Variants in TGFBR2 observed in about 807,000 individuals in gnomAD.
TGFBR2 encodes the protein TGF-beta receptor type-2.
Under a neutral mutation model 49.0 loss-of-function variants are expected in TGFBR2, and 18 were observed. The ratio of observed to expected loss-of-function variants is 0.37; its 90% confidence interval spans 0.25 to 0.54. The LOEUF is 0.54. TGFBR2 is among the 20% of genes least tolerant of loss of function. TGFBR2 has a pLI of 0.85. For synonymous variants in TGFBR2, 282 were observed against 275.9 expected, an observed-to-expected ratio of 1.02 and a Z score of -0.22; for missense variants, 525 against 722.6, an observed-to-expected ratio of 0.73 and a Z score of 3.13.
chr3:30,667,942 G>A (rs1559465434), intron 3 of TGFBR2, among the ~76,000 whole-genome samples: 1 of 152,154 alleles, frequency 6.6e-6, no homozygotes, highest in Non-Finnish European at 1.5e-5. Flanking sequence ...GGTCAGCAAA[G>A]TTTTTCTGTG....
intron 1 of TGFBR2, among the ~76,000 whole-genome samples, chr3:30,619,923 T>C (rs532207651): frequency 1.1e-4 from 17 of 150,880 alleles, no homozygotes; most frequent in East Asian, 7.9e-4. Flanking sequence ...CGTGGTGGCT[T>C]ATGCCTGTAA....
chr3:30,624,826 T>G (rs1162424558), intron 1 of TGFBR2, among the ~76,000 whole-genome samples: 2 of 152,198 alleles, frequency 1.3e-5, no homozygotes, highest in African/African-American at 4.8e-5. Context: ...GTGGACTTCT[T>G]TCTGTTTTCC....
chr3:30,622,804 C>T (rs1232784175), intron 1 of TGFBR2, among the ~76,000 whole-genome samples: 1 of 144,986 alleles, frequency 6.9e-6, no homozygotes, highest in Admixed American at 7.2e-5. Flanking sequence ...CACTTGAACC[C>T]AGGAGACAGT....
intron 1 of TGFBR2, among the ~76,000 whole-genome samples, chr3:30,616,923 G>T (rs1215741382): frequency 2.0e-5 from 3 of 152,118 alleles, no homozygotes; most frequent in Non-Finnish European, 1.5e-5. Flanking sequence ...GGTTTTGGTG[G>T]TAATATTATT....
intron 2 of TGFBR2, among the ~76,000 whole-genome samples, chr3:30,646,879 A>G (rs755683849): frequency 6.6e-6 from 1 of 152,242 alleles, no homozygotes; most frequent in Non-Finnish European, 1.5e-5. Context: ...AAGTCTCTCT[A>G]GAATAGAGGC....
At chr3:30,650,173 A>G (rs143525955) in intron 2 of TGFBR2, 97 bp from the exon 3 acceptor site, 5 of 1,247,276 alleles carry the variant, frequency 4.0e-6, no homozygotes, top group Non-Finnish European at 5.9e-6. Context: ...AAGGAAAAGT[A>G]TTCCAGATTG....
chr3:30,686,835 A>G (rs141610265), intron 5 of TGFBR2, among the ~76,000 whole-genome samples: 33 of 152,272 alleles, frequency 2.2e-4, no homozygotes, highest in African/African-American at 6.5e-4. Flanking sequence ...TAATCTGCTC[A>G]TTTAAATTGG....
At chr3:30,645,491 C>CTTTTTTTTTTTT (rs771983813) in intron 2 of TGFBR2, among the ~76,000 whole-genome samples, 4 of 136,316 alleles carry the variant, frequency 2.9e-5, no homozygotes, top group African/African-American at 8.2e-5. Flanking sequence ...CTACATATTT[C>CTTTTTTTTTTTT]TTTTTTTTTT....
rs1333912666 is a variant in TGFBR2, at chr3:30,692,930, A to T, written c.*1331A>T. The T allele has an allele frequency of 4.3e-6, 1 of 233,220 alleles. No homozygotes were observed. Among genetic ancestry groups the T allele is most frequent in the East Asian group, 6.0e-5 (1 of 16,662 alleles). 14.4% of individuals were successfully genotyped at this position (233,220 alleles called of 1,614,324 possible). ...GTGGAGACACTTACAAAGCTGCCTCACTTCTCACTGTAAACATTAGCTCTT... is the reference window on the plus strand; with the variant it reads ...GTGGAGACACTTACAAAGCTGCCTCTCTTCTCACTGTAAACATTAGCTCTT... On this transcript the variant is annotated 3_prime_UTR_variant, in exon 7 of 7. Coordinates refer to ENST00000295754, the MANE Select transcript of TGFBR2 (RefSeq NM_003242.6).
chr3:30,607,853 A>G (rs1201783076), intron 1 of TGFBR2, among the ~76,000 whole-genome samples: 1 of 141,760 alleles, frequency 7.1e-6, no homozygotes, highest in African/African-American at 2.7e-5. Context: ...ATATATAAAT[A>G]TATATAATAT....
chr3:30,617,066 C>A (rs1260784111), intron 1 of TGFBR2, among the ~76,000 whole-genome samples: 1 of 142,980 alleles, frequency 7.0e-6, no homozygotes, highest in Non-Finnish European at 1.5e-5. Flanking sequence ...CCTAAAGGAA[C>A]TTTCATATTT....
intron 1 of TGFBR2, among the ~76,000 whole-genome samples, chr3:30,643,343 T>G (rs1254066270): frequency 1.3e-5 from 2 of 152,234 alleles, no homozygotes; most frequent in East Asian, 3.8e-4. Context: ...TAATTCATGT[T>G]TGCTGGTTGA....
Position 30,693,548 on chromosome 3 carries a change from T to C in TGFBR2, c.*1949T>C, listed in dbSNP as rs1237167960. 4.3e-6 allele frequency: 1 copy of C among 233,358 alleles called. No homozygotes were observed. The highest frequency in any genetic ancestry group is 5.6e-5 in the Admixed American group (1 of 17,770). The allele number at this position is 233,358 out of a possible 1,614,324, so 14.5% of individuals were successfully genotyped here. A position where few individuals can be genotyped will look rare whatever the true frequency, so the allele number is the denominator to read the frequency against. ...TCTCATTTTATTGAGATTTTTAAGA[T>C]ACATGCAAAGGTTTGGAAATAGAAC... On this transcript the variant is annotated 3_prime_UTR_variant, in exon 7 of 7. Transcript: ENST00000295754.
In TGFBR2 at chr3:30,672,227, C is replaced by T; in HGVS notation, c.1044C>T (p.Arg348=). Reference sequence around the variant, plus strand: ...ATGTCATCAGCTGGGAGGACCTGCGCAAGCTGGGCAGCTCCCTCGCCCGGG... The same window carrying T: ...ATGTCATCAGCTGGGAGGACCTGCGTAAGCTGGGCAGCTCCCTCGCCCGGG... ...TRHVISWEDL[R]KLGSSLARGI... Residue 348 remains arginine, a synonymous_variant, in exon 4 of 7, where the codon CGC becomes CGT. Transcript: ENST00000295754. The surrounding 1 kb of genome is among the most constrained non-coding windows in gnomAD (Gnocchi z 4.5). 1.2e-6 allele frequency: 2 copies of T among 1,608,534 alleles called. No individual in the cohort carries two copies. The highest frequency in any genetic ancestry group is 1.7e-6 in the Non-Finnish European group (2 of 1,175,818).
At chr3:30,661,923 AT>A (rs1367655385) in intron 3 of TGFBR2, among the ~76,000 whole-genome samples, 1 of 152,176 alleles carries the variant, frequency 6.6e-6, no homozygotes, top group East Asian at 1.9e-4. Context: ...GGGCAGGCTG[AT>A]TTTAGGGTCT....
At position 30,644,933 on chromosome 3, in the gene TGFBR2, G is replaced by A; in HGVS notation, c.263+18G>A. 5 of 1,610,588 alleles carry A rather than the reference G, an allele frequency of 3.1e-6. No individual in the cohort carries two copies. The highest frequency in any genetic ancestry group is 4.2e-6 in the Non-Finnish European group (5 of 1,176,900). On this transcript the variant is annotated intron_variant, in intron 2 of 6. Transcript: ENST00000295754. Reference sequence around the variant, plus strand: ...GCTGTATGGTAAGCAAGCCTTTTAAGAAGTTATTCTTTCTTTTCCCCTTTT... The same window carrying A: ...GCTGTATGGTAAGCAAGCCTTTTAAAAAGTTATTCTTTCTTTTCCCCTTTT...
At chr3:30,608,715 A>G (rs1260786379) in intron 1 of TGFBR2, among the ~76,000 whole-genome samples, 3 of 152,184 alleles carry the variant, frequency 2.0e-5, no homozygotes, top group Non-Finnish European at 4.4e-5. Context: ...ATTGCAAGCA[A>G]AAAGTCTTGA....
chr3:30,609,577 G>T (rs1372223847), intron 1 of TGFBR2, among the ~76,000 whole-genome samples: 1 of 152,008 alleles, frequency 6.6e-6, no homozygotes, highest in Non-Finnish European at 1.5e-5. Context: ...CTTCCTAAAT[G>T]ATCAAAATTA....
intron 1 of TGFBR2, among the ~76,000 whole-genome samples, chr3:30,644,029 G>T (rs73823654): frequency 2.0e-5 from 3 of 152,130 alleles, no homozygotes; most frequent in African/African-American, 4.8e-5. Context: ...TATTTGCTGC[G>T]ATCATAACTC....
Sources: gnomAD v4.1 joint callset for allele counts (sites outside exome capture counted in the v4.1 genomes callset) on GRCh38, gnomAD v4.1.1 for gene constraint, Gnocchi (gnomAD v3.1) non-coding constraint, MANE v1.5 for transcripts, NCBI Gene and HGNC (gene_info 2026-07-23, HGNC 2026-07-21) for gene names.